P2RY14: variants seen among roughly 807,000 people sequenced by gnomAD.
P2RY14 encodes purinergic receptor P2Y14, also known as P2Y purinoceptor 14.
A neutral mutation model predicts 0.9 loss-of-function variants in P2RY14; 2 were observed. The ratio of observed to expected loss-of-function variants is 2.16; its 90% CI spans 0.88 to 6.79. The LOEUF (loss-of-function observed/expected upper bound fraction) is 6.79, where lower values mean the gene tolerates loss of function less well. Ranked by LOEUF, P2RY14 falls within the 30% of genes most tolerant of loss-of-function variation. P2RY14 has a pLI of 0.05. For missense variants in P2RY14, 378 were observed against 400.1 expected, an observed-to-expected ratio of 0.94 and a Z score of 0.47; for synonymous variants, 158 against 147.2, an observed-to-expected ratio of 1.07 and a Z score of -0.53.
chr3:151,244,751 A>G (rs1310887678), intron 1 of P2RY14, among the ~76,000 whole-genome samples: 1 of 152,128 alleles, frequency 6.6e-6, no homozygotes, highest in Admixed American at 6.5e-5. Context: ...AGCAGAAGGC[A>G]AGAAATAACT....
At chr3:151,274,633 T>C (rs1296010237) in intron 1 of P2RY14, among the ~76,000 whole-genome samples, 1 of 152,228 alleles carries the variant, frequency 6.6e-6, no homozygotes, top group Non-Finnish European at 1.5e-5. Context: ...AGGTTAGGGA[T>C]TTGGATCTAG....
At chr3:151,230,456 G>A (rs1731428439) in intron 1 of P2RY14, among the ~76,000 whole-genome samples, 1 of 152,034 alleles carries the variant, frequency 6.6e-6, no homozygotes, top group Non-Finnish European at 1.5e-5. Context: ...ATACCTGTAT[G>A]TAAAAAAATT....
intron 1 of P2RY14, among the ~76,000 whole-genome samples, chr3:151,226,968 A>G (rs1730621581): frequency 6.6e-6 from 1 of 152,212 alleles, no homozygotes; most frequent in Non-Finnish European, 1.5e-5. Context: ...TGGATGCCAC[A>G]CGCAGATCCC....
intron 1 of P2RY14, among the ~76,000 whole-genome samples, chr3:151,251,832 C>T (rs558821917): frequency 3.3e-5 from 5 of 152,240 alleles, no homozygotes; most frequent in South Asian, 2.1e-4. Context: ...TGTGTACTTG[C>T]TTCTCAGTCT....
chr3:151,256,327 A>C (rs557439571), intron 1 of P2RY14, among the ~76,000 whole-genome samples: 1 of 152,200 alleles, frequency 6.6e-6, no homozygotes, highest in East Asian at 1.9e-4. Flanking sequence ...TCGGAGCTTT[A>C]CATTTTTGCC....
At chr3:151,237,710 A>G (rs1733200381) in intron 1 of P2RY14, among the ~76,000 whole-genome samples, 1 of 152,160 alleles carries the variant, frequency 6.6e-6, no homozygotes, top group African/African-American at 2.4e-5. Context: ...ATGTGTAGTG[A>G]TCCTGTGGAT....
intron 1 of P2RY14, among the ~76,000 whole-genome samples, chr3:151,242,021 C>T (rs1025027810): frequency 1.3e-5 from 2 of 152,258 alleles, no homozygotes; most frequent in South Asian, 2.1e-4. Context: ...CGGACGGCAC[C>T]TGGAAAATCG....
chr3:151,234,151 T>C (rs1732267400), intron 1 of P2RY14, among the ~76,000 whole-genome samples: 1 of 152,148 alleles, frequency 6.6e-6, no homozygotes, highest in African/African-American at 2.4e-5. Context: ...GAAGCACTGT[T>C]TGTAATAGCA....
intron 1 of P2RY14, among the ~76,000 whole-genome samples, chr3:151,262,243 A>G (rs1387879115): frequency 1.3e-5 from 2 of 152,352 alleles, no homozygotes; most frequent in Admixed American, 6.5e-5. Flanking sequence ...TTCAGGATGT[A>G]TCCCATCAGA....
intron 1 of P2RY14, among the ~76,000 whole-genome samples, chr3:151,243,559 CA>C (rs1734704816): frequency 6.6e-6 from 1 of 152,130 alleles, no homozygotes; most frequent in African/African-American, 2.4e-5. Flanking sequence ...TACAGACAAG[CA>C]AATACTGAGA....
intron 1 of P2RY14, among the ~76,000 whole-genome samples, chr3:151,267,869 C>T (rs1392526081): frequency 6.6e-6 from 1 of 152,130 alleles, no homozygotes; most frequent in Non-Finnish European, 1.5e-5. Context: ...TGTCAAAATA[C>T]AGTGTTTGAG....
intron 1 of P2RY14, among the ~76,000 whole-genome samples, chr3:151,263,864 G>C (rs1739362434): frequency 6.6e-6 from 1 of 152,186 alleles, no homozygotes; most frequent in African/African-American, 2.4e-5. Flanking sequence ...GTAAGAGTGA[G>C]ACAATACAAA....
chr3:151,220,006 GT>G (rs1729024841), intron 1 of P2RY14, among the ~76,000 whole-genome samples: 1 of 146,302 alleles, frequency 6.8e-6, no homozygotes, highest in Non-Finnish European at 1.5e-5. Context: ...TTTTTTAATT[GT>G]TTTGTTTTTT....
intron 1 of P2RY14, among the ~76,000 whole-genome samples, chr3:151,268,553 T>C (rs1411751271): frequency 6.6e-6 from 1 of 152,222 alleles, no homozygotes; most frequent in African/African-American, 2.4e-5. Context: ...ATTTGTGAGT[T>C]AGACATTTTG....
At chr3:151,226,939 A>T (rs1032744852) in intron 1 of P2RY14, among the ~76,000 whole-genome samples, 14 of 152,246 alleles carry the variant, frequency 9.2e-5, no homozygotes, top group African/African-American at 3.4e-4. Flanking sequence ...GGAGAAACCC[A>T]GATCTGCTGC....
At chr3:151,255,646 A>C (rs1737679816) in intron 1 of P2RY14, among the ~76,000 whole-genome samples, 1 of 152,172 alleles carries the variant, frequency 6.6e-6, no homozygotes, top group Non-Finnish European at 1.5e-5. Flanking sequence ...CCTGAGATGA[A>C]ACCTTTGGCC....
chr3:151,218,798 C>T lies in P2RY14; in HGVS notation c.-25+737G>A, dbSNP rs1269170088. Among the ~76,000 whole-genome samples, 12 of 123,998 alleles carry T rather than the reference C, an allele frequency of 9.7e-5. No homozygotes were observed. The East Asian group carries it at 1.3e-3, about 14-fold the overall frequency. The allele number at this position is 123,998 out of a possible 152,430, so 81.3% of individuals were successfully genotyped here. A position where few individuals can be genotyped will look rare whatever the true frequency, so the allele number is the denominator to read the frequency against. On this transcript the variant is annotated intron_variant, in intron 2 of 2. Transcript: ENST00000309170. ...AGGAGAATTGCTTGAACCTGGGAGGCGGAGGTTGCAGTGAGCCGAGATCCC... is the reference window on the plus strand; with the variant it reads ...AGGAGAATTGCTTGAACCTGGGAGGTGGAGGTTGCAGTGAGCCGAGATCCC...
intron 1 of P2RY14, among the ~76,000 whole-genome samples, chr3:151,233,244 C>T (rs1732060101): frequency 6.6e-6 from 1 of 152,188 alleles, no homozygotes; most frequent in African/African-American, 2.4e-5. Context: ...TTAGTCATGC[C>T]TCACCTTGAG....
intron 1 of P2RY14, among the ~76,000 whole-genome samples, chr3:151,264,800 A>T (rs1739528962): frequency 6.6e-6 from 1 of 152,044 alleles, no homozygotes; most frequent in Admixed American, 6.5e-5. Context: ...GTCTCATCAC[A>T]CTTAGAAAAC....
Sources: allele counts gnomAD v4.1 joint callset (sites outside exome capture counted in the v4.1 genomes callset), GRCh38; gene constraint gnomAD v4.1.1; transcripts MANE v1.5; gene names NCBI Gene and HGNC (gene_info 2026-07-23, HGNC 2026-07-21).